ANO2: variants seen among roughly 807,000 people sequenced by gnomAD.
The protein encoded by ANO2 is anoctamin-2.
ANO2 carries 101 observed loss-of-function variants against 124.2 expected under a neutral mutation model. The ratio of observed to expected loss-of-function variants is 0.81; its 90% CI spans 0.69 to 0.96. The LOEUF (loss-of-function observed/expected upper bound fraction) is 0.96. Among genes scored for constraint, ANO2 ranks in the 40% least tolerant of loss-of-function variants. The probability of loss-of-function intolerance (pLI) is 0.00; values close to 1 mark genes in which losing one functional copy is unlikely to be tolerated. For missense variants in ANO2, 1,293 were observed against 1,274.5 expected, an observed-to-expected ratio of 1.01 and a Z score of -0.22; for synonymous variants, 486 against 482.5, an observed-to-expected ratio of 1.01 and a Z score of -0.09.
At chr12:5,592,859 C>A (rs766891741) in intron 20 of ANO2, among the ~76,000 whole-genome samples, 3 of 152,180 alleles carry the variant, frequency 2.0e-5, no homozygotes, top group Non-Finnish European at 4.4e-5. Context: ...GGTTAAGAGT[C>A]CACAGGCGTT....
intron 3 of ANO2, among the ~76,000 whole-genome samples, chr12:5,879,504 A>G (rs1314369920): frequency 6.6e-6 from 1 of 152,238 alleles, no homozygotes; most frequent in African/African-American, 2.4e-5. Context: ...GACAAAAGAC[A>G]CTATTCTCAT....
intron 10 of ANO2, among the ~76,000 whole-genome samples, chr12:5,797,928 A>C (rs1952915714): frequency 6.6e-6 from 1 of 152,250 alleles, no homozygotes; most frequent in Non-Finnish European, 1.5e-5. Flanking sequence ...CTTCCCCTGC[A>C]GGTGAGGCTG....
At chr12:5,730,726 C>T (rs1327984729) in intron 14 of ANO2, among the ~76,000 whole-genome samples, 2 of 152,190 alleles carry the variant, frequency 1.3e-5, no homozygotes, top group Non-Finnish European at 1.5e-5. Context: ...TTGGCAAGAA[C>T]AGAAGCATTA....
At chr12:5,726,442 G>T (rs1327005026) in intron 14 of ANO2, among the ~76,000 whole-genome samples, 2 of 152,164 alleles carry the variant, frequency 1.3e-5, no homozygotes, top group African/African-American at 4.8e-5. Context: ...TGACTTTTTA[G>T]GAGTGTTTGA....
intron 3 of ANO2, among the ~76,000 whole-genome samples, chr12:5,901,244 T>C (rs1052095572): frequency 1.3e-5 from 2 of 152,120 alleles, no homozygotes; most frequent in African/African-American, 4.8e-5. Context: ...AGGGAGATGC[T>C]TGGAACAGGA....
chr12:5,657,492 AT>A (rs58508961), intron 14 of ANO2, among the ~76,000 whole-genome samples: 1,811 of 146,934 alleles, frequency 0.012, 19 homozygotes, highest in South Asian at 0.032. Context: ...ATACTTTTCC[AT>A]TTTTTTTTTT....
intron 10 of ANO2, among the ~76,000 whole-genome samples, chr12:5,756,735 CACAG>C (rs1194220315): frequency 6.7e-6 from 1 of 149,192 alleles, no homozygotes; most frequent in Non-Finnish European, 1.5e-5. Context: ...GCTGCTGCGC[CACAG>C]ACAGAGATTC....
chr12:5,789,645 G>T (rs1481023446), intron 10 of ANO2, among the ~76,000 whole-genome samples: 1 of 152,174 alleles, frequency 6.6e-6, no homozygotes, highest in East Asian at 1.9e-4. Context: ...TCCCAAGTAG[G>T]TACTAGAAGA....
At position 5,613,039 on chromosome 12, in the gene ANO2, AC is replaced by A; in HGVS notation, c.1929-82del. ...CAAGGACATGTCTTCTGAGGGGAAT[AC>A]CACCACCACTGTCCTCTTCGAAAGC... On this transcript the variant is annotated intron_variant, in intron 17 of 24. Coordinates refer to ENST00000682330, the MANE Select transcript of ANO2 (RefSeq NM_001364791.2). 4 of 1,349,760 alleles carry A rather than the reference AC, an allele frequency of 3.0e-6. No homozygotes were observed. In the Admixed American group the frequency reaches 6.7e-5, roughly 23 times the overall value. The allele number at this position is 1,349,760 out of a possible 1,614,324, so 83.6% of individuals were successfully genotyped here. A position where few individuals can be genotyped will look rare whatever the true frequency, so the allele number is the denominator to read the frequency against.
At chr12:5,569,306 C>T (rs535667340) in intron 23 of ANO2, among the ~76,000 whole-genome samples, 117 of 152,264 alleles carry the variant, frequency 7.7e-4, no homozygotes, top group African/African-American at 2.8e-3. Flanking sequence ...ACTGAGTTCC[C>T]CAGCACTGGG....
intron 7 of ANO2, among the ~76,000 whole-genome samples, chr12:5,815,290 T>C (rs1013883603): frequency 3.3e-5 from 5 of 152,184 alleles, no homozygotes; most frequent in African/African-American, 1.2e-4. Context: ...GAAACTGAGA[T>C]AGCAAAACTC....
At chr12:5,732,722 C>T (rs1400643562) in intron 13 of ANO2, 92 bp from the exon 14 acceptor site, 22 of 1,522,428 alleles carry the variant, frequency 1.4e-5, no homozygotes, top group Middle Eastern at 1.7e-4. Context: ...TTAACGTCAG[C>T]GTTTAGGATT....
At chr12:5,584,589 G>C (rs1214947348) in intron 20 of ANO2, among the ~76,000 whole-genome samples, 1 of 152,188 alleles carries the variant, frequency 6.6e-6, no homozygotes, top group East Asian at 1.9e-4. Context: ...TTATGTAAGA[G>C]CACAGCAGGG....
At chr12:5,665,899 A>T (rs2361588) in intron 14 of ANO2, among the ~76,000 whole-genome samples, 100,479 of 151,940 alleles carry the variant, frequency 0.66, 33,988 homozygotes, top group East Asian at 0.96. Flanking sequence ...ATTTTTTTCC[A>T]ATGAGCTCAA....
intron 14 of ANO2, among the ~76,000 whole-genome samples, chr12:5,684,432 G>C (rs1356676250): frequency 6.6e-6 from 1 of 152,220 alleles, no homozygotes; most frequent in African/African-American, 2.4e-5. Flanking sequence ...CAAGAAGTCA[G>C]TGCATGGACC....
chr12:5,648,569 G>C (rs531742674), intron 14 of ANO2, among the ~76,000 whole-genome samples: 1 of 152,168 alleles, frequency 6.6e-6, no homozygotes, highest in Non-Finnish European at 1.5e-5. Context: ...ATTTGGTGGG[G>C]GACAGGGGAG....
chr12:5,833,822 C>T (rs1302507089), intron 4 of ANO2, among the ~76,000 whole-genome samples: 1 of 152,130 alleles, frequency 6.6e-6, no homozygotes, highest in Non-Finnish European at 1.5e-5. Flanking sequence ...ACCACCACCC[C>T]TACCCTTGGT....
intron 20 of ANO2, among the ~76,000 whole-genome samples, chr12:5,599,235 G>A (rs954124764): frequency 6.6e-6 from 1 of 152,204 alleles, no homozygotes; most frequent in African/African-American, 2.4e-5. Context: ...AAGGAAAAGA[G>A]AACATCATCC....
chr12:5,791,414 C>T (rs1251746720), intron 10 of ANO2, among the ~76,000 whole-genome samples: 1 of 152,132 alleles, frequency 6.6e-6, no homozygotes, highest in Non-Finnish European at 1.5e-5. Flanking sequence ...GAGGGATGTT[C>T]ATAAAGATGG....
Sources: allele counts gnomAD v4.1 joint callset (sites outside exome capture counted in the v4.1 genomes callset), GRCh38; gene constraint gnomAD v4.1.1; transcripts MANE v1.5; gene names NCBI Gene and HGNC (gene_info 2026-07-23, HGNC 2026-07-21).